The following TMEM87B variants were observed in gnomAD, a reference collection of about 807,000 sequenced individuals.
TMEM87B encodes the protein transmembrane protein 87B.
A neutral mutation model predicts 80.3 loss-of-function variants in TMEM87B; 83 were observed. The observed-to-expected ratio is 1.03, with a 90% CI of 0.87 to 1.24. The LOEUF is 1.24. Among genes scored for constraint, TMEM87B ranks in the 50% most tolerant of loss-of-function variants. The pLI, the probability that TMEM87B is intolerant of heterozygous loss-of-function variation, is 0.00. For synonymous variants in TMEM87B, 219 were observed against 230.5 expected (o/e 0.95, Z 0.45); for missense variants, 625 against 674.4 (o/e 0.93, Z 0.81).
At chr2:112,115,697 A>G (rs2104511501) in intron 18 of TMEM87B, among the ~76,000 whole-genome samples, 1 of 152,358 alleles carries the variant, frequency 6.6e-6, no homozygotes, top group South Asian at 2.1e-4. Flanking sequence ...GAGATTCTGA[A>G]CTTGACATGT....
intron 15 of TMEM87B, among the ~76,000 whole-genome samples, chr2:112,102,604 G>A (rs993702149): frequency 1.3e-5 from 2 of 152,012 alleles, no homozygotes; most frequent in Non-Finnish European, 2.9e-5. Flanking sequence ...AGAGACGGGA[G>A]AATTGCATGA....
intron 11 of TMEM87B, chr2:112,095,112 TC>T: frequency 1.1e-6 from 1 of 897,292 alleles, no homozygotes; most frequent in Non-Finnish European, 1.3e-6. Context: ...TGGCCCTTCC[TC>T]CCCTTTTTTT....
intron 11 of TMEM87B, among the ~76,000 whole-genome samples, chr2:112,096,268 C>T (rs992539162): frequency 9.9e-5 from 15 of 152,096 alleles, no homozygotes; most frequent in African/African-American, 3.4e-4. Context: ...GTTGACTCAC[C>T]GTCAGCCTGA....
Position 112,055,495 on chromosome 2 carries a change from C to T in TMEM87B, c.-97C>T. 1.5e-6 allele frequency: 2 copies of T among 1,338,044 alleles called. No homozygotes were observed. The highest frequency in any genetic ancestry group is 1.9e-6 in the Non-Finnish European group (2 of 1,032,378). 82.9% of individuals were successfully genotyped at this position (1,338,044 alleles called of 1,614,324 possible). A position where few individuals can be genotyped will look rare whatever the true frequency, so the allele number is the denominator to read the frequency against. ...CTCCTCCACACCCGAGTCCGAGCCC[C>T]GCGTCCCGGATTCGGACCCGCCTGC... On this transcript the variant is annotated 5_prime_UTR_variant, in exon 1 of 19. Transcript: ENST00000283206.
chr2:112,104,132 C>T (rs937082003), intron 15 of TMEM87B, among the ~76,000 whole-genome samples: 1 of 152,128 alleles, frequency 6.6e-6, no homozygotes, highest in Non-Finnish European at 1.5e-5. Context: ...AACTGTTATT[C>T]TTCTAGAAGA....
At chr2:112,092,121 G>C (rs1573713532) in intron 11 of TMEM87B, among the ~76,000 whole-genome samples, 1 of 152,150 alleles carries the variant, frequency 6.6e-6, no homozygotes, top group East Asian at 1.9e-4. Context: ...CCATCTTAGA[G>C]AGGTGCTGTG....
rs77978740 is a variant in TMEM87B at position 112,091,876 on chromosome 2, T to C, written c.1104+93T>C. 5,640 of 1,019,670 alleles carry C rather than the reference T, an allele frequency of 5.5e-3. 33 individuals carry two copies. The highest frequency in any genetic ancestry group is 6.2e-3 in the Non-Finnish European group (4,275 of 685,518). The allele number at this position is 1,019,670 out of a possible 1,614,324, so 63.2% of individuals were successfully genotyped here. Reference sequence around the variant, plus strand: ...ATAACAATAGAAAGAAATACAGTTATGCATTTTTGTTACCTTAATACGAGG... The same window carrying C: ...ATAACAATAGAAAGAAATACAGTTACGCATTTTTGTTACCTTAATACGAGG... On this transcript the variant is annotated intron_variant, in intron 11 of 18. Coordinates refer to ENST00000283206, the MANE Select transcript of TMEM87B (RefSeq NM_032824.3).
At chr2:112,082,957 G>A (rs1015659885) in intron 8 of TMEM87B, among the ~76,000 whole-genome samples, 9 of 152,322 alleles carry the variant, frequency 5.9e-5, no homozygotes, top group Middle Eastern at 3.4e-3. Flanking sequence ...TACCCAGACC[G>A]CTGTCAGGGT....
At position 112,074,106 on chromosome 2, in the gene TMEM87B, G is replaced by A. The variant is rs116034583; in HGVS notation, c.451-806G>A. 2.2e-3 allele frequency among the ~76,000 whole-genome samples: 341 copies of A among 152,134 alleles called. 3 individuals carry two copies. Among genetic ancestry groups the A allele is most frequent in the African/African-American group, 6.0e-3 (251 of 41,524 alleles). ...TAGTGTTGACATTGTGGGTTTGATC[G>A]TGTCATCATGTTGTTAGCTGGTTAT... On this transcript the variant is annotated intron_variant, in intron 4 of 18. Coordinates refer to ENST00000283206, the MANE Select transcript of TMEM87B (RefSeq NM_032824.3).
chr2:112,097,183 T>A, intron 12 of TMEM87B, 31 bp downstream of exon 12: 6 of 1,597,440 alleles, frequency 3.8e-6, no homozygotes, highest in Non-Finnish European at 5.1e-6. Flanking sequence ...TACAGTAAAT[T>A]ATCTTAGTAT....
chr2:112,117,974 C>T lies in TMEM87B; in HGVS notation c.*1831C>T, dbSNP rs1680068887. The T allele has an allele frequency of 6.6e-6, 1 of 152,150 alleles. No homozygotes were observed. Among genetic ancestry groups the T allele is most frequent in the Non-Finnish European group, 1.5e-5 (1 of 68,028 alleles). The allele number at this position is 152,150 out of a possible 1,614,324, so 9.4% of individuals were successfully genotyped here. On this transcript the variant is annotated 3_prime_UTR_variant, in exon 19 of 19. Coordinates refer to ENST00000283206, the MANE Select transcript of TMEM87B (RefSeq NM_032824.3). The stretch of plus-strand genomic sequence containing the variant: ...GTTAATAAAGGGAAACTGTCTCTGA[C>T]AGAATCTCAGTAATGTTTACCAAAA...
Position 112,112,931 on chromosome 2 carries a change from T to C in TMEM87B, c.1608+2T>C, listed in dbSNP as rs773666872. On this transcript the variant is annotated splice_donor_variant, in intron 18 of 18. Coordinates refer to ENST00000283206, the MANE Select transcript of TMEM87B (RefSeq NM_032824.3). LOFTEE classifies it high-confidence loss of function. The stretch of plus-strand genomic sequence containing the variant: ...CCAGTGTTAGTGGATTCAGATGAGG[T>C]AAAATATATTTTTGCATATTTCCTT... The C allele has an allele frequency of 2.5e-6, 4 of 1,610,578 alleles. No homozygotes were observed. The highest frequency in any genetic ancestry group is 2.2e-5 in the South Asian group (2 of 90,800).
At chr2:112,063,435 A>C (rs1233618665) in intron 2 of TMEM87B, among the ~76,000 whole-genome samples, 3 of 152,108 alleles carry the variant, frequency 2.0e-5, no homozygotes, top group Non-Finnish European at 4.4e-5. Flanking sequence ...GACCTCATGA[A>C]TTTTCCCCAG....
At chr2:112,097,640 G>T (rs1242892740) in intron 13 of TMEM87B, among the ~76,000 whole-genome samples, 3 of 149,506 alleles carry the variant, frequency 2.0e-5, no homozygotes, top group African/African-American at 7.4e-5. Flanking sequence ...GTGAACCCAG[G>T]AGGTGGAGCT....
chr2:112,097,314 A>C, intron 13 of TMEM87B, 23 bp downstream of exon 13: 1 of 1,549,380 alleles, frequency 6.5e-7, no homozygotes, highest in South Asian at 1.2e-5. Flanking sequence ...TTCCTATTTA[A>C]ACAGTTATTT....
At chr2:112,070,139 G>C (rs935699163) in intron 4 of TMEM87B, among the ~76,000 whole-genome samples, 1 of 151,700 alleles carries the variant, frequency 6.6e-6, no homozygotes, top group African/African-American at 2.4e-5. Context: ...TTATTCTGTT[G>C]ATAGTTTCTT....
In TMEM87B at chr2:112,116,190, C is replaced by T. The variant is rs771442320; in HGVS notation, c.*47C>T. 2 of 1,517,962 alleles carry T rather than the reference C, an allele frequency of 1.3e-6. No individual in the cohort carries two copies. The highest frequency in any genetic ancestry group is 1.8e-6 in the Non-Finnish European group (2 of 1,107,218). The allele number at this position is 1,517,962 out of a possible 1,614,324, so 94.0% of individuals were successfully genotyped here. On this transcript the variant is annotated 3_prime_UTR_variant, in exon 19 of 19. Coordinates refer to ENST00000283206, the MANE Select transcript of TMEM87B (RefSeq NM_032824.3). Reference sequence around the variant, plus strand: ...TAGTTAAGCCTGAAGGACTATCCTTCATCAAGACTGAAAGTGAGCTTTGAT... The same window carrying T: ...TAGTTAAGCCTGAAGGACTATCCTTTATCAAGACTGAAAGTGAGCTTTGAT...
At chr2:112,097,982 C>CTT (rs939737090) in intron 13 of TMEM87B, among the ~76,000 whole-genome samples, 4 of 139,166 alleles carry the variant, frequency 2.9e-5, no homozygotes, top group Non-Finnish European at 4.6e-5. Context: ...GCGATGTTTT[C>CTT]TTTTTTTTTT....
chr2:112,087,217 TCCTTCTG>T (rs1365772025), intron 9 of TMEM87B, among the ~76,000 whole-genome samples: 8 of 152,096 alleles, frequency 5.3e-5, no homozygotes, highest in Admixed American at 2.6e-4. Context: ...AGTCCAGCTT[TCCTTCTG>T]CCTCAGGCTC....
Sources: gnomAD v4.1 joint callset for allele counts (sites outside exome capture counted in the v4.1 genomes callset) on GRCh38, gnomAD v4.1.1 for gene constraint, MANE v1.5 for transcripts, NCBI Gene and HGNC (gene_info 2026-07-23, HGNC 2026-07-21) for gene names.